FBXW2: variants seen among roughly 807,000 people sequenced by gnomAD.
FBXW2 encodes F-box and WD repeat domain containing 2.
In FBXW2, 12 loss-of-function variants were observed where a neutral mutation model predicts 46.0. The ratio of observed to expected loss-of-function variants is 0.26; its 90% CI spans 0.17 to 0.42. FBXW2 has a LOEUF of 0.42. FBXW2 is among the 10% of genes least tolerant of loss of function. FBXW2 has a pLI of 1.00. For missense variants in FBXW2, 360 were observed against 537.0 expected (o/e 0.67, Z 3.26); for synonymous variants, 203 against 209.6 (o/e 0.97, Z 0.27).
At chr9:120,777,641 G>A (rs1192905849) in intron 4 of FBXW2, among the ~76,000 whole-genome samples, 1 of 152,086 alleles carries the variant, frequency 6.6e-6, no homozygotes, top group African/African-American at 2.4e-5. Context: ...GGTAAATGGG[G>A]GAAAGGAAGG....
intron 2 of FBXW2, 108 bp downstream of exon 2, chr9:120,793,041 C>G (rs1024884636): frequency 1.8e-5 from 22 of 1,227,188 alleles, no homozygotes; most frequent in African/African-American, 6.0e-5. Flanking sequence ...CAGTAGGAGG[C>G]AGTAACTCCA....
chr9:120,788,546 C>T (rs143913238), intron 2 of FBXW2, among the ~76,000 whole-genome samples: 39 of 152,316 alleles, frequency 2.6e-4, no homozygotes, highest in African/African-American at 8.9e-4. Context: ...ACTTATTCCT[C>T]TTGAAGTCTA....
At chr9:120,768,877 G>A (rs1198146101) in intron 7 of FBXW2, among the ~76,000 whole-genome samples, 2 of 152,082 alleles carry the variant, frequency 1.3e-5, no homozygotes, top group South Asian at 2.1e-4. Flanking sequence ...CAGCTAGAAA[G>A]TCTGGTAGGT....
chr9:120,787,737 A>C (rs1483604034), intron 3 of FBXW2, 32 bp downstream of exon 3: 8 of 1,575,486 alleles, frequency 5.1e-6, no homozygotes, highest in Non-Finnish European at 6.9e-6. Context: ...AATACAAAAC[A>C]AAACCCAAAA....
At chr9:120,779,909 T>C (rs2044573956) in intron 3 of FBXW2, among the ~76,000 whole-genome samples, 1 of 152,132 alleles carries the variant, frequency 6.6e-6, no homozygotes, top group African/African-American at 2.4e-5. Context: ...CTCAGCACTT[T>C]AGGAGGCCAA....
At chr9:120,771,150 T>C (rs1415814877) in intron 7 of FBXW2, among the ~76,000 whole-genome samples, 198 bp downstream of exon 7, 1 of 152,248 alleles carries the variant, frequency 6.6e-6, no homozygotes, top group Non-Finnish European at 1.5e-5. Flanking sequence ...TACGTAACTC[T>C]TTTTCATTTG....
At position 120,789,271 on chromosome 9, in the gene FBXW2, A is replaced by C. The variant is rs978213735; in HGVS notation, c.-20-993T>G. Among the ~76,000 whole-genome samples, 11 of 152,204 alleles carry C rather than the reference A, an allele frequency of 7.2e-5. No homozygotes were observed. In the Middle Eastern group the frequency reaches 0.013, roughly 175 times the overall value. ...AAAATAAGTGACAACCAGGAGAACCACGACCAAGTGGTAAGATCTGGAGGT... is the reference window on the plus strand; with the variant it reads ...AAAATAAGTGACAACCAGGAGAACCCCGACCAAGTGGTAAGATCTGGAGGT... On this transcript the variant is annotated intron_variant, in intron 2 of 7. Coordinates refer to ENST00000608872, the MANE Select transcript of FBXW2 (RefSeq NM_012164.4).
At chr9:120,781,669 CACACACAT>C (rs1171037382) in intron 3 of FBXW2, among the ~76,000 whole-genome samples, 10 of 149,884 alleles carry the variant, frequency 6.7e-5, no homozygotes, top group South Asian at 4.2e-4. Context: ...CACACACACA[CACACACAT>C]ACACACACAC....
chr9:120,771,276 T>G (rs2044369591), intron 7 of FBXW2, 72 bp downstream of exon 7: 1 of 1,426,216 alleles, frequency 7.0e-7, no homozygotes, highest in African/African-American at 1.4e-5. Flanking sequence ...CATCCAAACA[T>G]TTAGTCTTGT....
chr9:120,787,617 AG>A (rs201064636), intron 3 of FBXW2, 151 bp downstream of exon 3: 127 of 673,154 alleles, frequency 1.9e-4, no homozygotes, highest in African/African-American at 3.1e-4. Context: ...GAAGAGGATA[AG>A]GGGGGGGAAC....
intron 3 of FBXW2, among the ~76,000 whole-genome samples, chr9:120,785,568 C>T (rs939253452): frequency 9.2e-5 from 14 of 152,042 alleles, no homozygotes; most frequent in African/African-American, 2.7e-4. Context: ...TAATACATAC[C>T]CTTAATGAAT....
Position 120,757,114 on chromosome 9 carries a change from C to T in FBXW2, c.*7445G>A, listed in dbSNP as rs1159729110. The T allele has an allele frequency of 1.3e-5, 2 of 151,834 alleles. No individual in the cohort carries two copies. The highest frequency in any genetic ancestry group is 2.9e-5 in the Non-Finnish European group (2 of 67,968). 9.4% of individuals were successfully genotyped at this position (151,834 alleles called of 1,614,324 possible). A position where few individuals can be genotyped will look rare whatever the true frequency, so the allele number is the denominator to read the frequency against. ...AGATGCAGACAGAATTCAAGAGATA[C>T]AAATAAGCACACATAAAAATATGTC... On this transcript the variant is annotated 3_prime_UTR_variant, in exon 8 of 8. Coordinates refer to ENST00000608872, the MANE Select transcript of FBXW2 (RefSeq NM_012164.4).
At chr9:120,791,167 G>A (rs2044831875) in intron 2 of FBXW2, among the ~76,000 whole-genome samples, 1 of 152,152 alleles carries the variant, frequency 6.6e-6, no homozygotes, top group Non-Finnish European at 1.5e-5. Flanking sequence ...GGTCTAAACT[G>A]GACTCTTTTA....
At chr9:120,766,630 AATTTTTG>A (rs2131283594) in intron 7 of FBXW2, among the ~76,000 whole-genome samples, 1 of 151,860 alleles carries the variant, frequency 6.6e-6, no homozygotes, top group Non-Finnish European at 1.5e-5. Context: ...ACGCCCAGCT[AATTTTTG>A]TATTTTTAGT....
Position 120,761,005 on chromosome 9 carries a change from T to C in FBXW2, c.*3554A>G, listed in dbSNP as rs2044189214. 1 of 152,246 alleles carries C rather than the reference T, an allele frequency of 6.6e-6. No homozygotes were observed. Among genetic ancestry groups the C allele is most frequent in the African/African-American group, 2.4e-5 (1 of 41,468 alleles). The allele number at this position is 152,246 out of a possible 1,614,324, so 9.4% of individuals were successfully genotyped here. A position where few individuals can be genotyped will look rare whatever the true frequency, so the allele number is the denominator to read the frequency against. On this transcript the variant is annotated 3_prime_UTR_variant, in exon 8 of 8. Coordinates refer to ENST00000608872, the MANE Select transcript of FBXW2 (RefSeq NM_012164.4). ...AAAATGAAGTGCAAACCTTACAATTTCATAGCAATGTTCCCCACGTTTCAC... is the reference window on the plus strand; with the variant it reads ...AAAATGAAGTGCAAACCTTACAATTCCATAGCAATGTTCCCCACGTTTCAC...
chr9:120,772,060 G>GAAAA lies in FBXW2; in HGVS notation c.907-547_907-544dup, dbSNP rs59520792. Among the ~76,000 whole-genome samples the GAAAA allele has an allele frequency of 6.0e-4, 31 of 51,268 alleles. 1 individual carries two copies. The highest frequency in any genetic ancestry group is 1.0e-3 in the Non-Finnish European group (27 of 26,142). The allele number at this position is 51,268 out of a possible 152,430, so 33.6% of individuals were successfully genotyped here. On this transcript the variant is annotated intron_variant, in intron 6 of 7. Transcript: ENST00000608872. ...GGTGACAGAGTGAGACCCTGTCTCA[G>GAAAA]AAAAAAAAAAAAAAAAAAAAAAAGA... is the stretch of plus-strand genomic sequence containing the variant.
At chr9:120,776,357 C>T in intron 4 of FBXW2, 131 bp from the exon 5 acceptor site, 1 of 983,844 alleles carries the variant, frequency 1.0e-6, no homozygotes, top group Non-Finnish European at 1.4e-6. Context: ...TGATGCTATT[C>T]AACTAGCAAT....
intron 2 of FBXW2, 193 bp downstream of exon 2, chr9:120,792,956 A>C: frequency 6.5e-7 from 1 of 1,533,654 alleles, no homozygotes; most frequent in Non-Finnish European, 8.7e-7. Context: ...ACCTCATCAC[A>C]CTTCATCGTC....
In FBXW2 at chr9:120,776,105, T is replaced by C. The variant is rs374752406; in HGVS notation, c.807A>G (p.Glu269=). The change falls in exon 5 of 8, where the codon GAA becomes GAG. Residue 269 remains glutamate, a synonymous_variant. Coordinates refer to ENST00000608872, the MANE Select transcript of FBXW2 (RefSeq NM_012164.4). ...CAAGTCTTCCTACCTTGGTGACCCA[T>C]TCCGTGTGCCCGGTGAGTGTGTTCA... is the stretch of plus-strand genomic sequence containing the variant. ...TCLNTLTGHT[E]WVTKVVLQKC... 14 of 1,613,898 alleles carry C rather than the reference T, an allele frequency of 8.7e-6. No individual in the cohort carries two copies. Among genetic ancestry groups the C allele is most frequent in the Non-Finnish European group, 1.1e-5 (13 of 1,179,974 alleles).
Sources: allele counts gnomAD v4.1 joint callset (sites outside exome capture counted in the v4.1 genomes callset), GRCh38; gene constraint gnomAD v4.1.1; transcripts MANE v1.5; gene names NCBI Gene and HGNC (gene_info 2026-07-23, HGNC 2026-07-21).